Variants in FAM72A observed in about 807,000 individuals in gnomAD.
The protein encoded by FAM72A is regulator of UNG2 and MKLN1 interacting yippee protein 1, also known as protein FAM72A.
Under a neutral mutation model 11.3 loss-of-function variants are expected in FAM72A, and 1 was observed. The observed-to-expected ratio is 0.09, with a 90% confidence interval of 0.03 to 0.42. FAM72A has a LOEUF of 0.42. Ranked by LOEUF, FAM72A falls within the 10% of genes least tolerant of loss-of-function variation. The probability of loss-of-function intolerance (pLI) is 0.98; values close to 1 mark genes in which losing one functional copy is unlikely to be tolerated. For missense variants in FAM72A, 15 were observed against 135.5 expected (o/e 0.11, Z 4.41); for synonymous variants, 5 against 46.9 (o/e 0.11, Z 3.65).
intron 3 of FAM72A, among the ~76,000 whole-genome samples, chr1:206,190,800 G>A (rs1664741487): frequency 6.6e-6 from 1 of 151,308 alleles, no homozygotes. Flanking sequence ...GAGCCTGGGA[G>A]GTCGAGGCTG....
upstream of FAM72A, chr1:206,204,918 C>CCCA (rs1286497011): frequency 7.1e-6 from 1 of 141,024 alleles, no homozygotes; most frequent in African/African-American, 2.9e-5. Context: ...CCCCCCCCCC[C>CCCA]ATCAACATTT....
intron 3 of FAM72A, among the ~76,000 whole-genome samples, chr1:206,187,641 T>A (rs1319370555): frequency 6.6e-6 from 1 of 152,156 alleles, no homozygotes; most frequent in Admixed American, 6.5e-5. Flanking sequence ...CACAGATCAC[T>A]GCAGCCTGAA....
chr1:206,203,819 A>T (rs1379858842), upstream of FAM72A: 3 of 1,528,554 alleles, frequency 2.0e-6, no homozygotes, highest in Admixed American at 4.0e-5. Flanking sequence ...ACCCTCTCCA[A>T]ATCTCCCAGT....
At chr1:206,192,846 CA>C (rs1174199457) in intron 3 of FAM72A, among the ~76,000 whole-genome samples, 1 of 147,876 alleles carries the variant, frequency 6.8e-6, no homozygotes, top group Non-Finnish European at 1.5e-5. Flanking sequence ...GCAAGTTATC[CA>C]GAAGATCTAG....
chr1:206,203,547 T>C (rs1217782314), upstream of FAM72A: 9 of 572,528 alleles, frequency 1.6e-5, no homozygotes, highest in Admixed American at 2.0e-4. Context: ...CTCCAGGGAC[T>C]GGGGCACCGA....
upstream of FAM72A, chr1:206,203,183 G>A (rs1665483074): frequency 3.7e-6 from 1 of 273,842 alleles, no homozygotes; most frequent in Non-Finnish European, 6.8e-6. Context: ...AGTCTCCACC[G>A]GTCTCTACTC....
At chr1:206,196,617 G>A (rs1320466224) in intron 2 of FAM72A, among the ~76,000 whole-genome samples, 3 of 114,788 alleles carry the variant, frequency 2.6e-5, no homozygotes, top group African/African-American at 1.2e-4. Flanking sequence ...GGAGAGGTAG[G>A]AAGACAGCAT....
intron 3 of FAM72A, among the ~76,000 whole-genome samples, chr1:206,193,164 C>T (rs2144660): frequency 3.3e-5 from 5 of 151,708 alleles, no homozygotes; most frequent in African/African-American, 7.3e-5. Flanking sequence ...CTGCCCGCCT[C>T]GGCCTCCCAA....
chr1:206,203,718 C>T (rs1665546441), upstream of FAM72A: 5 of 1,403,448 alleles, frequency 3.6e-6, no homozygotes, highest in Non-Finnish European at 2.9e-6. Context: ...CTGAACAAAC[C>T]GGGGCTGGGG....
intron 2 of FAM72A, among the ~76,000 whole-genome samples, chr1:206,197,923 C>CA (rs1212346704): frequency 1.4e-5 from 2 of 145,512 alleles, no homozygotes; most frequent in Non-Finnish European, 3.0e-5. Context: ...CAAAACAAAA[C>CA]AAAAAAAATG....
intron 3 of FAM72A, among the ~76,000 whole-genome samples, chr1:206,191,724 A>ATTTTT (rs1190560887): frequency 1.4e-4 from 15 of 103,676 alleles, no homozygotes; most frequent in East Asian, 2.5e-4. Flanking sequence ...CTAAAATATT[A>ATTTTT]TTTTTTTTTT....
At position 206,193,708 on chromosome 1, in the gene FAM72A, A is replaced by G. The variant is rs534826054; in HGVS notation, c.355+2044T>C. ...GGTTCTTAGGAATTATGCCAAATATACTTTGCCTGTGCGCTGTCAATGAAA... is the reference window on the plus strand; with the variant it reads ...GGTTCTTAGGAATTATGCCAAATATGCTTTGCCTGTGCGCTGTCAATGAAA... On this transcript the variant is annotated intron_variant, in intron 3 of 3. Coordinates refer to ENST00000367128, the MANE Select transcript of FAM72A (RefSeq NM_001123168.3). 6.6e-5 allele frequency among the ~76,000 whole-genome samples: 10 copies of G among 152,004 alleles called. No homozygotes were observed. In the East Asian group the frequency reaches 1.9e-3, roughly 29 times the overall value.
At chr1:206,188,887 A>G (rs1664658399) in intron 3 of FAM72A, among the ~76,000 whole-genome samples, 2 of 150,224 alleles carry the variant, frequency 1.3e-5, no homozygotes, top group African/African-American at 4.9e-5. Flanking sequence ...CCCACCCCAT[A>G]TACACTGAGA....
chr1:206,194,211 A>G (rs1367733599), intron 3 of FAM72A, among the ~76,000 whole-genome samples: 1 of 152,220 alleles, frequency 6.6e-6, no homozygotes, highest in Non-Finnish European at 1.5e-5. Flanking sequence ...AGAAATAGCA[A>G]GAAAACTACA....
chr1:206,203,780 C>T (rs2102408481), upstream of FAM72A: 9 of 1,518,190 alleles, frequency 5.9e-6, no homozygotes, highest in South Asian at 1.2e-5. Flanking sequence ...AGCGGTGCCG[C>T]CCGGAATCCC....
upstream of FAM72A, chr1:206,205,201 G>C (rs1173231914): frequency 6.6e-6 from 1 of 151,966 alleles, no homozygotes. Context: ...GTCCCCGCCC[G>C]GAGCCCGCGC....
chr1:206,192,968 C>A (rs1664870884), intron 3 of FAM72A, among the ~76,000 whole-genome samples: 1 of 150,872 alleles, frequency 6.6e-6, no homozygotes, highest in Non-Finnish European at 1.5e-5. Flanking sequence ...GGCTGGAGTG[C>A]AATGGCATGA....
In FAM72A at chr1:206,187,136, A is replaced by G; in HGVS notation, c.*143T>C. 1 of 1,083,004 alleles carries G rather than the reference A, an allele frequency of 9.2e-7. No individual in the cohort carries two copies. Among genetic ancestry groups the G allele is most frequent in the South Asian group, 1.9e-5 (1 of 52,370 alleles). The allele number at this position is 1,083,004 out of a possible 1,614,324, so 67.1% of individuals were successfully genotyped here. A position where few individuals can be genotyped will look rare whatever the true frequency, so the allele number is the denominator to read the frequency against. Reference sequence around the variant, plus strand: ...TTCAATCAAACTGAGGTAACTAATTAGAGACGGAAAATAAATAAATCAACA... The same window carrying G: ...TTCAATCAAACTGAGGTAACTAATTGGAGACGGAAAATAAATAAATCAACA... On this transcript the variant is annotated 3_prime_UTR_variant, in exon 4 of 4. Transcript: ENST00000367128.
At chr1:206,190,822 G>T (rs1553297432) in intron 3 of FAM72A, among the ~76,000 whole-genome samples, 1 of 150,632 alleles carries the variant, frequency 6.6e-6, no homozygotes, top group African/African-American at 2.5e-5. Flanking sequence ...AGTGAGCCAA[G>T]ATTGTGCCAC....
Sources: gnomAD v4.1 joint callset for allele counts (sites outside exome capture counted in the v4.1 genomes callset) on GRCh38, gnomAD v4.1.1 for gene constraint, MANE v1.5 for transcripts, NCBI Gene and HGNC (gene_info 2026-07-23, HGNC 2026-07-21) for gene names.